Variants in FREM3 observed in about 807,000 individuals in gnomAD.
FREM3 encodes FRAS1-related extracellular matrix protein 3.
Under a neutral mutation model 129.1 loss-of-function variants are expected in FREM3, and 105 were observed. The ratio of observed to expected loss-of-function variants is 0.81; its 90% CI spans 0.69 to 0.96. The LOEUF is 0.96. FREM3 is among the 40% of genes least tolerant of loss of function. The pLI is 0.00. For missense variants in FREM3, 2,593 were observed against 2,666.3 expected (o/e 0.97, Z 0.61); for synonymous variants, 1,014 against 1,044.9 (o/e 0.97, Z 0.57).
intron 2 of FREM3, among the ~76,000 whole-genome samples, chr4:143,669,471 A>G (rs1200317239): frequency 6.6e-6 from 1 of 150,592 alleles, no homozygotes; most frequent in East Asian, 1.9e-4. Flanking sequence ...TTTTTTTGGT[A>G]GAGACCGGGT....
intron 5 of FREM3, among the ~76,000 whole-genome samples, chr4:143,612,535 G>A (rs1283366032): frequency 1.3e-5 from 2 of 152,150 alleles, no homozygotes; most frequent in Non-Finnish European, 1.5e-5. Flanking sequence ...ATTCAAGTAC[G>A]AGTCTTTGAG....
At chr4:143,617,965 C>T (rs1738879984) in intron 5 of FREM3, among the ~76,000 whole-genome samples, 1 of 152,156 alleles carries the variant, frequency 6.6e-6, no homozygotes, top group African/African-American at 2.4e-5. Flanking sequence ...TCTCTGTCTA[C>T]AACCAAAGTG....
chr4:143,698,398 C>CA lies in FREM3; in HGVS notation c.2277dup (p.Gly760TrpfsTer7). 2.6e-6 allele frequency: 4 copies of CA among 1,537,864 alleles called. No homozygotes were observed. The highest frequency in any genetic ancestry group is 3.5e-6 in the Non-Finnish European group (4 of 1,147,062). ...GGTGAATCAGTGAGCACAATTTCTC[C>CA]AGCCCGGACTTGGTGGTTGCCATCT... On this transcript the variant is annotated frameshift_variant, in exon 1 of 8. Coordinates refer to ENST00000329798, the MANE Select transcript of FREM3 (RefSeq NM_001168235.2). LOFTEE classifies it high-confidence loss of function.
At chr4:143,689,502 A>G (rs1740426855) in intron 2 of FREM3, among the ~76,000 whole-genome samples, 2 of 152,178 alleles carry the variant, frequency 1.3e-5, no homozygotes, top group Non-Finnish European at 2.9e-5. Flanking sequence ...AAGTAGAACT[A>G]CAATTTGATC....
At position 143,634,906 on chromosome 4, in the gene FREM3, A is replaced by G. The variant is rs1739207756; in HGVS notation, c.5276-7146T>C. ...GGAGGCCAGAGAGATCATTGCCTAG[A>G]CCTTAGCTATGCCCCCACAGGCTTC... On this transcript the variant is annotated intron_variant, in intron 2 of 7. Coordinates refer to ENST00000329798, the MANE Select transcript of FREM3 (RefSeq NM_001168235.2). Among the ~76,000 whole-genome samples the G allele has an allele frequency of 2.0e-5, 3 of 151,984 alleles. No individual in the cohort carries two copies. In the South Asian group the frequency reaches 6.2e-4, roughly 32 times the overall value.
At chr4:143,616,184 A>G (rs1367819787) in intron 5 of FREM3, among the ~76,000 whole-genome samples, 2 of 152,230 alleles carry the variant, frequency 1.3e-5, no homozygotes, top group Non-Finnish European at 2.9e-5. Context: ...AATAACTTTA[A>G]AATGCTAGGA....
chr4:143,689,278 C>G (rs577185675), intron 2 of FREM3, among the ~76,000 whole-genome samples: 50 of 152,050 alleles, frequency 3.3e-4, no homozygotes, highest in African/African-American at 1.2e-3. Context: ...TGAAAAAATG[C>G]CCAACATCAC....
At chr4:143,640,948 C>T (rs868189729) in intron 2 of FREM3, among the ~76,000 whole-genome samples, 1 of 152,060 alleles carries the variant, frequency 6.6e-6, no homozygotes, top group Non-Finnish European at 1.5e-5. Context: ...GATCATGTTA[C>T]ATTGGTCATA....
At chr4:143,651,674 A>G (rs1739512930) in intron 2 of FREM3, among the ~76,000 whole-genome samples, 1 of 152,218 alleles carries the variant, frequency 6.6e-6, no homozygotes, top group Non-Finnish European at 1.5e-5. Context: ...GCGACCCTCA[A>G]AAAGACTCGG....
intron 6 of FREM3, among the ~76,000 whole-genome samples, chr4:143,589,206 T>G (rs1362260200): frequency 1.3e-5 from 2 of 152,218 alleles, no homozygotes; most frequent in Non-Finnish European, 2.9e-5. Context: ...TTCACTCTGA[T>G]GGTGGTTTCT....
chr4:143,592,435 C>T (rs546055301), intron 6 of FREM3, among the ~76,000 whole-genome samples: 23 of 152,076 alleles, frequency 1.5e-4, no homozygotes, highest in Non-Finnish European at 1.6e-4. Context: ...GGACAGGCCT[C>T]GTGGTGACAA....
intron 4 of FREM3, among the ~76,000 whole-genome samples, chr4:143,622,314 G>A (rs912173696): frequency 3.3e-5 from 5 of 151,426 alleles, no homozygotes; most frequent in Non-Finnish European, 7.4e-5. Flanking sequence ...GGCTGGTCTC[G>A]AACTCCTGGA....
intron 2 of FREM3, among the ~76,000 whole-genome samples, chr4:143,682,066 A>AAAT (rs1740261730): frequency 6.6e-6 from 1 of 152,204 alleles, no homozygotes; most frequent in Non-Finnish European, 1.5e-5. Flanking sequence ...TAATTCACCA[A>AAAT]AATAGTCTAA....
chr4:143,584,386 G>A (rs1408707607), intron 7 of FREM3, among the ~76,000 whole-genome samples: 9 of 141,804 alleles, frequency 6.3e-5, no homozygotes, highest in African/African-American at 1.6e-4. Context: ...TCCGCAGTCC[G>A]GCCTGGGCGA....
intron 2 of FREM3, among the ~76,000 whole-genome samples, chr4:143,673,431 C>T (rs1740041395): frequency 6.6e-6 from 1 of 152,230 alleles, no homozygotes; most frequent in South Asian, 2.1e-4. Flanking sequence ...GCAAATGTTG[C>T]TGTCTGATTG....
chr4:143,590,787 T>C (rs958209515), intron 6 of FREM3, among the ~76,000 whole-genome samples: 3 of 152,198 alleles, frequency 2.0e-5, no homozygotes, highest in Non-Finnish European at 4.4e-5. Flanking sequence ...CTTTTTCTAT[T>C]GATTGGAATA....
At chr4:143,590,816 C>T (rs1336824430) in intron 6 of FREM3, among the ~76,000 whole-genome samples, 4 of 152,116 alleles carry the variant, frequency 2.6e-5, no homozygotes, top group Non-Finnish European at 5.9e-5. Flanking sequence ...AGAAATGGTA[C>T]CAGCTCCTCC....
chr4:143,592,408 C>T (rs924242096), intron 6 of FREM3, among the ~76,000 whole-genome samples: 29 of 151,874 alleles, frequency 1.9e-4, no homozygotes, highest in African/African-American at 4.9e-4. Context: ...TTAGTGCTTC[C>T]GTCAGGAGCT....
intron 4 of FREM3, 91 bp downstream of exon 4, chr4:143,624,015 AGT>A (rs1321253051): frequency 2.9e-6 from 2 of 682,262 alleles, no homozygotes; most frequent in Non-Finnish European, 5.1e-6. Flanking sequence ...GAACGCATTT[AGT>A]GGCTTACAGA....
Sources: allele counts gnomAD v4.1 joint callset (sites outside exome capture counted in the v4.1 genomes callset), GRCh38; gene constraint gnomAD v4.1.1; transcripts MANE v1.5; gene names NCBI Gene and HGNC (gene_info 2026-07-23, HGNC 2026-07-21).